The following PPRC1 variants were observed in gnomAD, a reference collection of about 807,000 sequenced individuals.
PPRC1 encodes peroxisome proliferator-activated receptor gamma coactivator-related protein 1.
In PPRC1, 23 loss-of-function variants were observed where a neutral mutation model predicts 132.5. The observed-to-expected ratio is 0.17, with a 90% CI of 0.12 to 0.25. The LOEUF (loss-of-function observed/expected upper bound fraction) is 0.25, where lower values mean the gene tolerates loss of function less well. Among genes scored for constraint, PPRC1 ranks in the 10% least tolerant of loss-of-function variants. The pLI, the probability that PPRC1 is intolerant of heterozygous loss-of-function variation, is 1.00. For missense variants in PPRC1, 2,006 were observed against 2,089.1 expected, an observed-to-expected ratio of 0.96 and a Z score of 0.78; for synonymous variants, 872 against 833.5, an observed-to-expected ratio of 1.05 and a Z score of -0.80.
At chr10:102,120,188 CCGCCGCCGCCCGCGGCCCCCGCTGCGCT>C in the PPRC1 span, 1 of 1,096,732 alleles carries the variant, frequency 9.1e-7, no homozygotes, top group Admixed American at 5.3e-5. Flanking sequence ...GCATGAGCCG[CCGCCGCCGCCCGCGGCCCCCGCTGCGCT>C]CGCCGCCGGC....
In PPRC1 at chr10:102,142,479, C is replaced by T. The variant is rs558440750; in HGVS notation, c.3496+475C>T. ...TGTCGCCCAGGCTGGAGTGCAGTGG[C>T]GTGATCTCGGCTCACCGCAACCTCC... On this transcript the variant is annotated intron_variant, in intron 5 of 13. Transcript: ENST00000278070. 3.0e-3 allele frequency among the ~76,000 whole-genome samples: 360 copies of T among 118,104 alleles called. 3 individuals carry two copies. Among genetic ancestry groups the T allele is most frequent in the Non-Finnish European group, 4.4e-3 (273 of 61,458 alleles). The allele number at this position is 118,104 out of a possible 152,430, so 77.5% of individuals were successfully genotyped here.
chr10:102,136,058 G>GGGCTCT (rs1271018231), intron 1 of PPRC1, among the ~76,000 whole-genome samples: 1 of 152,156 alleles, frequency 6.6e-6, no homozygotes, highest in Non-Finnish European at 1.5e-5. Context: ...TTAGTCGCTG[G>GGGCTCT]GGCTCTGGTA....
chr10:102,146,664 C>A lies in PPRC1; in HGVS notation c.3680-8C>A, dbSNP rs761505773. The A allele has an allele frequency of 2.5e-6, 4 of 1,597,824 alleles. No homozygotes were observed. In the South Asian group the frequency reaches 4.5e-5, roughly 18 times the overall value. ...TCCTGCTATCTCCATCCTCCCTCCC[C>A]ACCACAGGGCTCACCCCTCCAGCTA... On this transcript the variant is annotated splice_polypyrimidine_tract_variant and splice_region_variant and intron_variant, in intron 8 of 13. Transcript: ENST00000278070.
At chr10:102,139,039 C>A in intron 4 of PPRC1, 59 bp downstream of exon 4, 1 of 1,602,122 alleles carries the variant, frequency 6.2e-7, no homozygotes, top group East Asian at 2.2e-5. Context: ...TGTGTGGGGA[C>A]AGGTCTGGAA....
intron 6 of PPRC1, 54 bp from the exon 7 acceptor site, chr10:102,144,196 C>T (rs1371294256): frequency 1.5e-5 from 23 of 1,566,076 alleles, no homozygotes; most frequent in Admixed American, 5.0e-5. Flanking sequence ...CCTTCTGTGC[C>T]GCCTCAGTCT....
At position 102,136,668 on chromosome 10, in the gene PPRC1, A is replaced by G. The variant is rs141004576; in HGVS notation, c.154-1182A>G. Among the ~76,000 whole-genome samples, 662 of 152,058 alleles carry G rather than the reference A, an allele frequency of 4.4e-3. 4 individuals carry two copies. The highest frequency in any genetic ancestry group is 0.01 in the Middle Eastern group (3 of 294). ...AAGTTAAACTTCATCGTTGGTATGT[A>G]TTGTTTGTATCAATACATACCAATG... On this transcript the variant is annotated intron_variant, in intron 1 of 13. Transcript: ENST00000278070.
At position 102,143,111 on chromosome 10, in the gene PPRC1, G is replaced by C; in HGVS notation, c.3550+13G>C. 1 of 1,610,144 alleles carries C rather than the reference G, an allele frequency of 6.2e-7. No homozygotes were observed. The highest frequency in any genetic ancestry group is 8.5e-7 in the Non-Finnish European group (1 of 1,176,476). On this transcript the variant is annotated intron_variant, in intron 6 of 13. Transcript: ENST00000278070. ...GAGAAATCAGAAGGTGAGGGAACAT[G>C]GGTAGTTTTGCTCCAACTCTTTTTT...
At chr10:102,120,021 C>T in the PPRC1 span, 3 of 1,285,942 alleles carry the variant, frequency 2.3e-6, no homozygotes, top group Non-Finnish European at 1.0e-6. Context: ...TCGCCAAACA[C>T]GGGGTGAGGG....
Position 102,140,415 on chromosome 10 carries a change from T to G in PPRC1, c.1907T>G (p.Leu636Arg), listed in dbSNP as rs914764704. The G allele has an allele frequency of 6.2e-7, 1 of 1,614,090 alleles. No homozygotes were observed. The highest frequency in any genetic ancestry group is 1.1e-5 in the South Asian group (1 of 91,090). The change falls in exon 5 of 14, where the codon CTG becomes CGG. Residue 636 changes from leucine (L) to arginine (R), a missense_variant. Leu to Arg is a moderately radical substitution (Grantham distance 102). Coordinates refer to ENST00000278070, the MANE Select transcript of PPRC1 (RefSeq NM_015062.5). ...PAEPVLINPV[L>R]ADSAAVDPAV... ...GAGCCAGTGCTGATCAACCCAGTCC[T>G]GGCTGACTCAGCAGCAGTTGACCCT... is the stretch of plus-strand genomic sequence containing the variant.
In PPRC1 at chr10:102,139,490, G is replaced by T. The variant is rs765794174; in HGVS notation, c.982G>T (p.Asp328Tyr). The T allele has an allele frequency of 6.2e-7, 1 of 1,613,994 alleles. No individual in the cohort carries two copies. Among genetic ancestry groups the T allele is most frequent in the African/African-American group, 1.3e-5 (1 of 74,944 alleles). The change falls in exon 5 of 14, where the codon GAT becomes TAT. Residue 328 changes from aspartate to tyrosine, a missense_variant. Physicochemically the swap from Asp to Tyr is radical, Grantham distance 160 (BLOSUM62 -3). Coordinates refer to ENST00000278070, the MANE Select transcript of PPRC1 (RefSeq NM_015062.5). The part of the protein sequence containing the change: ...PNLTHLASLE[D>Y]ELQEQPDDLT... ...CCTCACCCACCTGGCATCACTTGAG[G>T]ATGAGCTTCAGGAGCAGCCAGATGA...
At chr10:102,134,876 C>T (rs1205999541) in intron 1 of PPRC1, among the ~76,000 whole-genome samples, 2 of 152,204 alleles carry the variant, frequency 1.3e-5, no homozygotes, top group Non-Finnish European at 2.9e-5. Context: ...GATCCAAGAT[C>T]CAGCTATAAT....
intron 5 of PPRC1, among the ~76,000 whole-genome samples, chr10:102,142,576 G>A (rs1399692456): frequency 7.0e-5 from 10 of 142,252 alleles, no homozygotes; most frequent in South Asian, 4.5e-4. Context: ...TCACACCCAC[G>A]CCCGGCTTTT....
chr10:102,150,314 C>A lies in PPRC1; in HGVS notation c.*285C>A, dbSNP rs1320990303. 3 of 272,092 alleles carry A rather than the reference C, an allele frequency of 1.1e-5. No homozygotes were observed. The highest frequency in any genetic ancestry group is 2.2e-5 in the Non-Finnish European group (3 of 139,336). The allele number at this position is 272,092 out of a possible 1,614,324, so 16.9% of individuals were successfully genotyped here. A position where few individuals can be genotyped will look rare whatever the true frequency, so the allele number is the denominator to read the frequency against. ...AGTCACTATGCAGACTAATAAACATCAACTAGAGAGAACTCCCAACTGCTG... is the reference window on the plus strand; with the variant it reads ...AGTCACTATGCAGACTAATAAACATAAACTAGAGAGAACTCCCAACTGCTG... On this transcript the variant is annotated 3_prime_UTR_variant, in exon 14 of 14. Coordinates refer to ENST00000278070, the MANE Select transcript of PPRC1 (RefSeq NM_015062.5).
chr10:102,144,866 TA>T (rs1360631387), intron 7 of PPRC1, 153 bp from the exon 8 acceptor site: 1 of 652,340 alleles, frequency 1.5e-6, no homozygotes, highest in African/African-American at 1.8e-5. Context: ...GTTCAGTCAA[TA>T]AGACCCTTTT....
In PPRC1 at chr10:102,141,912, T is replaced by G; in HGVS notation, c.3404T>G (p.Val1135Gly). Residue 1135 changes from valine (V) to glycine (G), a missense_variant, in exon 5 of 14, where the codon GTC becomes GGC. By Grantham distance (109) the Val-to-Gly change is moderately radical. This residue lies in a region of PPRC1 where 1,914 missense variants were observed against 1,917.2 expected (regional missense o/e 1.00). Transcript: ENST00000278070. ...RQSTVPKLPAVHPARLRKLSF... is the reference protein window; with the variant it reads ...RQSTVPKLPAGHPARLRKLSF... ...AGCACTGTCCCCAAGCTGCCTGCTGTCCACCCAGCCCGTCTAAGGAAGCTG... is the reference window on the plus strand; with the variant it reads ...AGCACTGTCCCCAAGCTGCCTGCTGGCCACCCAGCCCGTCTAAGGAAGCTG... 1 of 1,614,124 alleles carries G rather than the reference T, an allele frequency of 6.2e-7. No individual in the cohort carries two copies. The highest frequency in any genetic ancestry group is 8.5e-7 in the Non-Finnish European group (1 of 1,180,010).
chr10:102,150,199 TG>T lies in PPRC1; in HGVS notation c.*171del. ...AATCAGATTTTTTAAAAGGGGTATTTGTTTTTTTATAACAGGTATTGAAACA... is the reference window on the plus strand; with the variant it reads ...AATCAGATTTTTTAAAAGGGGTATTTTTTTTTTATAACAGGTATTGAAACA... On this transcript the variant is annotated 3_prime_UTR_variant, in exon 14 of 14. Transcript: ENST00000278070. 1 of 559,876 alleles carries T rather than the reference TG, an allele frequency of 1.8e-6. No individual in the cohort carries two copies. The highest frequency in any genetic ancestry group is 2.2e-5 in the South Asian group (1 of 45,966). 34.7% of individuals were successfully genotyped at this position (559,876 alleles called of 1,614,324 possible).
the PPRC1 span, among the ~76,000 whole-genome samples, chr10:102,125,002 C>G: frequency 6.6e-6 from 1 of 152,020 alleles, no homozygotes; most frequent in Non-Finnish European, 1.5e-5. Context: ...AGGCTGGACT[C>G]GGACTCCTGG....
At chr10:102,138,241 C>T (rs2068797959) in intron 2 of PPRC1, among the ~76,000 whole-genome samples, 1 of 152,230 alleles carries the variant, frequency 6.6e-6, no homozygotes, top group African/African-American at 2.4e-5. Flanking sequence ...GAATTCCTTT[C>T]CTAGCTTAGA....
rs151228385 is a variant in PPRC1, at chr10:102,138,887, G to A, written c.498G>A (p.Lys166=). ...CTTTCTTTCCCTCTTAGCTGCACAA[G>A]CTGCTTACTCTCTCTCGGACACCCC... ...VSPREGSSLH[K]LLTLSRTPPE... The change falls in exon 4 of 14, where the codon AAG becomes AAA. Residue 166 remains lysine, a synonymous_variant. Coordinates refer to ENST00000278070, the MANE Select transcript of PPRC1 (RefSeq NM_015062.5). 3 of 1,614,104 alleles carry A rather than the reference G, an allele frequency of 1.9e-6. No individual in the cohort carries two copies. Among genetic ancestry groups the A allele is most frequent in the Admixed American group, 3.3e-5 (2 of 60,014 alleles).
Sources: gnomAD v4.1 joint callset for allele counts (sites outside exome capture counted in the v4.1 genomes callset) on GRCh38, gnomAD v4.1.1 for gene constraint, gnomAD v4.1.1 regional missense constraint, MANE v1.5 for transcripts, NCBI Gene and HGNC (gene_info 2026-07-23, HGNC 2026-07-21) for gene names.